Variants in RELA observed in about 807,000 individuals in gnomAD.
The protein encoded by RELA is RELA proto-oncogene, NF-kB subunit, also known as transcription factor p65.
A neutral mutation model predicts 56.7 loss-of-function variants in RELA; 14 were observed. The observed-to-expected ratio is 0.25, with a 90% CI of 0.16 to 0.39. The LOEUF is 0.39. Among genes scored for constraint, RELA ranks in the 10% least tolerant of loss-of-function variants. RELA has a pLI of 1.00. For missense variants in RELA, 559 were observed against 736.4 expected, an observed-to-expected ratio of 0.76 and a Z score of 2.79; for synonymous variants, 315 against 289.7, an observed-to-expected ratio of 1.09 and a Z score of -0.89.
chr11:65,656,178 A>T (rs558646665), intron 8 of RELA, among the ~76,000 whole-genome samples: 1 of 152,196 alleles, frequency 6.6e-6, no homozygotes. Context: ...TACAGGGGCC[A>T]TGCTCTGGGC....
At chr11:65,659,989 T>C in intron 5 of RELA, 135 bp downstream of exon 5, 1 of 1,152,634 alleles carries the variant, frequency 8.7e-7, no homozygotes, top group South Asian at 1.4e-5. Context: ...AGTTTCCCAG[T>C]GGTAAAGTGG....
intron 4 of RELA, 103 bp from the exon 5 acceptor site, chr11:65,660,318 C>A: frequency 9.9e-7 from 1 of 1,009,812 alleles, no homozygotes; most frequent in Non-Finnish European, 1.5e-6. Context: ...TAGATCATCG[C>A]TCCATGCCTA....
At position 65,654,708 on chromosome 11, in the gene RELA, C is replaced by T; in HGVS notation, c.1326G>A (p.Gln442=). ...GEGTLSEALL[Q]LQFDDEDLGA... is the part of the protein sequence containing the mutation. ...CCAGGTCTTCATCATCAAACTGCAGCTGCAGCAGGGCCTCTGACAGCGTTC... is the reference window on the plus strand; with the variant it reads ...CCAGGTCTTCATCATCAAACTGCAGTTGCAGCAGGGCCTCTGACAGCGTTC... Residue 442 remains glutamine, a synonymous_variant, in exon 11 of 11, where the codon CAG becomes CAA. Coordinates refer to ENST00000406246, the MANE Select transcript of RELA (RefSeq NM_021975.4). 6.5e-7 allele frequency: 1 copy of T among 1,540,160 alleles called. No homozygotes were observed. Among genetic ancestry groups the T allele is most frequent in the Non-Finnish European group, 8.7e-7 (1 of 1,144,990 alleles).
intron 8 of RELA, among the ~76,000 whole-genome samples, chr11:65,657,388 G>T (rs1856457867): frequency 6.6e-6 from 1 of 151,858 alleles, no homozygotes; most frequent in African/African-American, 2.4e-5. Context: ...TTTCCAGAAT[G>T]GCCTCCCTGC....
intron 8 of RELA, among the ~76,000 whole-genome samples, 190 bp from the exon 9 acceptor site, chr11:65,656,125 G>A (rs576146351): frequency 1.6e-4 from 24 of 152,308 alleles, no homozygotes; most frequent in African/African-American, 5.5e-4. Flanking sequence ...GGAGGCCTCT[G>A]TTGGCTGAAT....
upstream of RELA, among the ~76,000 whole-genome samples, chr11:65,663,856 C>T (rs1414254535): frequency 6.6e-6 from 1 of 152,114 alleles, no homozygotes; most frequent in Non-Finnish European, 1.5e-5. Context: ...CGTGTGGAGG[C>T]TGGGGCTGAC....
rs1374348917 is a variant in RELA, at chr11:65,654,123, C to T, written c.*255G>A. 2.4e-5 allele frequency: 13 copies of T among 539,748 alleles called. No individual in the cohort carries two copies. The highest frequency in any genetic ancestry group is 1.9e-4 in the South Asian group (10 of 52,314). 33.4% of individuals were successfully genotyped at this position (539,748 alleles called of 1,614,324 possible). ...CCCTACAGAGAAGGGAGCTGACCAT[C>T]AGGACAGGGGAAAAGTTTGAGTTTC... On this transcript the variant is annotated 3_prime_UTR_variant, in exon 11 of 11. Transcript: ENST00000406246.
intron 4 of RELA, among the ~76,000 whole-genome samples, chr11:65,661,039 A>T (rs1280809562): frequency 5.8e-5 from 2 of 34,586 alleles, no homozygotes; most frequent in Admixed American, 6.6e-4. Context: ...CTCTTTCTTA[A>T]AAAAAAAAAA....
intron 8 of RELA, among the ~76,000 whole-genome samples, chr11:65,657,099 T>C: frequency 6.6e-6 from 1 of 152,032 alleles, no homozygotes; most frequent in East Asian, 1.9e-4. Context: ...GATGTAACAA[T>C]ACTGGAAGTG....
intron 3 of RELA, 34 bp downstream of exon 3, chr11:65,661,903 G>A: frequency 6.2e-7 from 1 of 1,606,948 alleles, no homozygotes; most frequent in Non-Finnish European, 8.5e-7. Flanking sequence ...GGGTTCCACA[G>A]TCCCTTCCCC....
At chr11:65,656,661 A>G (rs569977016) in intron 8 of RELA, among the ~76,000 whole-genome samples, 5 of 152,344 alleles carry the variant, frequency 3.3e-5, no homozygotes, top group Non-Finnish European at 7.4e-5. Flanking sequence ...GAGTATGCAC[A>G]CAAGGTGTCT....
intron 1 of RELA, 144 bp downstream of exon 1, chr11:65,662,682 G>A (rs1271469508): frequency 5.2e-6 from 3 of 579,092 alleles, no homozygotes; most frequent in African/African-American, 2.0e-5. Flanking sequence ...CGCCTGCCCC[G>A]CCCCGCGCCA....
rs767449165 is a variant in RELA, at chr11:65,658,435, A to G, written c.729T>C (p.Asp243=). ...ACACAATGGCCACTTGTCGGTGCACATCAGCTTGCGAAAAGGAGCCTCGGG... is the reference window on the plus strand; with the variant it reads ...ACACAATGGCCACTTGTCGGTGCACGTCAGCTTGCGAAAAGGAGCCTCGGG... ...WEARGSFSQA[D]VHRQVAIVFR... is the part of the protein sequence containing the mutation. Residue 243 remains aspartate (D), a synonymous_variant, in exon 8 of 11, where the codon GAT becomes GAC. Transcript: ENST00000406246. The surrounding 1 kb of genome is among the most constrained non-coding windows in gnomAD (Gnocchi z 4.5). 1.4e-5 allele frequency: 22 copies of G among 1,613,396 alleles called. No homozygotes were observed. Among genetic ancestry groups the G allele is most frequent in the Non-Finnish European group, 1.8e-5 (21 of 1,179,596 alleles).
At position 65,658,476 on chromosome 11, in the gene RELA, C is replaced by T. The variant is rs1032578811; in HGVS notation, c.688G>A (p.Gly230Arg). The change falls in exon 8 of 11, where the codon GGA becomes AGA. Residue 230 changes from glycine to arginine, a missense_variant. Around this residue, in one of 4 missense-constraint regions of RELA, gnomAD observed 149 missense variants for 256.0 expected, o/e 0.58. Coordinates refer to ENST00000406246, the MANE Select transcript of RELA (RefSeq NM_021975.4). The surrounding 1 kb of genome is among the most constrained non-coding windows in gnomAD (Gnocchi z 4.5). ...QKEDIEVYFT[G>R]PGWEARGSFS... ...GAGCCTCGGGCCTCCCAGCCTGGTC[C>T]CGTGAAATACACCTCAATGTCCTCT... 9.9e-6 allele frequency: 16 copies of T among 1,610,336 alleles called. No homozygotes were observed. The highest frequency in any genetic ancestry group is 1.1e-5 in the Non-Finnish European group (13 of 1,177,426).
chr11:65,662,762 G>A, intron 1 of RELA, 64 bp downstream of exon 1: 4 of 1,173,112 alleles, frequency 3.4e-6, no homozygotes, highest in Non-Finnish European at 3.2e-6. Context: ...GCGGCGCGGG[G>A]GCTCCCGCCA....
chr11:65,659,632 C>T, intron 6 of RELA, 34 bp downstream of exon 6: 1 of 1,612,006 alleles, frequency 6.2e-7, no homozygotes, highest in African/African-American at 1.3e-5. Context: ...TCAGGCCCAC[C>T]CTCTCCCCTT....
At chr11:65,661,652 C>G in intron 4 of RELA, 35 bp downstream of exon 4, 3 of 1,536,988 alleles carry the variant, frequency 2.0e-6, no homozygotes, top group Non-Finnish European at 2.6e-6. Flanking sequence ...CTCCTGTCCC[C>G]TCATGCTGGG....
chr11:65,655,964 T>C lies in RELA; in HGVS notation c.878-29A>G, dbSNP rs571408469. ...GGAAAGTAAGGGGGAGAAGTGGGACTTGCTCTCCTCAGGTGGGTCCCCGAC... is the reference window on the plus strand; with the variant it reads ...GGAAAGTAAGGGGGAGAAGTGGGACCTGCTCTCCTCAGGTGGGTCCCCGAC... On this transcript the variant is annotated intron_variant, in intron 8 of 10. Coordinates refer to ENST00000406246, the MANE Select transcript of RELA (RefSeq NM_021975.4). The C allele has an allele frequency of 1.7e-4, 280 of 1,601,506 alleles. 2 individuals are homozygous for C. The Middle Eastern group carries it at 2.3e-3, about 13-fold the overall frequency.
chr11:65,659,339 C>G (rs1856505705), intron 6 of RELA, among the ~76,000 whole-genome samples: 1 of 152,202 alleles, frequency 6.6e-6, no homozygotes, highest in African/African-American at 2.4e-5. Context: ...TTCTCGAACA[C>G]TATCTTGTTC....
Sources: gnomAD v4.1 joint callset for allele counts (sites outside exome capture counted in the v4.1 genomes callset) on GRCh38, gnomAD v4.1.1 for gene constraint, gnomAD v4.1.1 regional missense constraint, Gnocchi (gnomAD v3.1) non-coding constraint, MANE v1.5 for transcripts, NCBI Gene and HGNC (gene_info 2026-07-23, HGNC 2026-07-21) for gene names.